PPFIA2: variants seen among roughly 807,000 people sequenced by gnomAD.
The protein encoded by PPFIA2 is liprin-alpha-2.
PPFIA2 carries 46 observed loss-of-function variants against 175.5 expected under a neutral mutation model. The observed-to-expected ratio is 0.26, with a 90% CI of 0.21 to 0.34. PPFIA2 has a LOEUF of 0.34. Among genes scored for constraint, PPFIA2 ranks in the 10% least tolerant of loss-of-function variants. PPFIA2 has a pLI of 1.00. For missense variants in PPFIA2, 1,179 were observed against 1,506.1 expected (o/e 0.78, Z 3.60); for synonymous variants, 568 against 511.4 (o/e 1.11, Z -1.49).
At chr12:81,712,938 CTTTAT>C (rs1380251828) in intron 3 of PPFIA2, among the ~76,000 whole-genome samples, 5 of 150,972 alleles carry the variant, frequency 3.3e-5, no homozygotes, top group African/African-American at 4.8e-5. Context: ...TGAAAGCTTG[CTTTAT>C]TTTATAAGTT....
At chr12:81,571,120 A>G (rs2072462207) in intron 4 of PPFIA2, among the ~76,000 whole-genome samples, 1 of 152,082 alleles carries the variant, frequency 6.6e-6, no homozygotes, top group Non-Finnish European at 1.5e-5. Context: ...TGATACCAGC[A>G]TTTATAGAAT....
At chr12:81,311,574 A>T (rs977859235) in intron 22 of PPFIA2, among the ~76,000 whole-genome samples, 2 of 151,892 alleles carry the variant, frequency 1.3e-5, no homozygotes, top group Non-Finnish European at 2.9e-5. Context: ...TCTACCAAAA[A>T]TACAAAAAAT....
intron 15 of PPFIA2, among the ~76,000 whole-genome samples, chr12:81,360,899 G>A (rs1490116483): frequency 1.3e-5 from 2 of 151,556 alleles, no homozygotes; most frequent in Admixed American, 6.6e-5. Context: ...AACCAAGCCT[G>A]TGATATAATC....
chr12:81,557,205 AC>A (rs2069042366), intron 4 of PPFIA2, among the ~76,000 whole-genome samples: 4 of 151,852 alleles, frequency 2.6e-5, no homozygotes, highest in African/African-American at 9.7e-5. Flanking sequence ...ACACACACAC[AC>A]ACACACACAC....
intron 4 of PPFIA2, among the ~76,000 whole-genome samples, chr12:81,568,720 T>A (rs565694406): frequency 6.6e-6 from 1 of 152,312 alleles, no homozygotes. Context: ...TGCCTTTCTT[T>A]TTATCAAATA....
At chr12:81,758,972 G>A (rs1430549259) in intron 1 of PPFIA2, among the ~76,000 whole-genome samples, 2 of 152,078 alleles carry the variant, frequency 1.3e-5, no homozygotes, top group Admixed American at 6.5e-5. Context: ...CTCCCCTCCT[G>A]GAGCCCCTCT....
chr12:81,650,660 A>C (rs1033315060), intron 4 of PPFIA2, among the ~76,000 whole-genome samples: 1 of 152,192 alleles, frequency 6.6e-6, no homozygotes, highest in African/African-American at 2.4e-5. Context: ...CACGGGTTGA[A>C]GTTTAGAAAC....
chr12:81,755,046 A>G (rs1377633675), intron 2 of PPFIA2, among the ~76,000 whole-genome samples: 1 of 152,194 alleles, frequency 6.6e-6, no homozygotes, highest in Non-Finnish European at 1.5e-5. Flanking sequence ...GTTTTCATCC[A>G]AACAATACAA....
intron 4 of PPFIA2, chr12:81,598,267 A>G (rs1162038428): frequency 5.5e-5 from 70 of 1,265,864 alleles, no homozygotes; most frequent in Non-Finnish European, 3.0e-6. Flanking sequence ...AGAACATACA[A>G]TGTTTTTTAA....
chr12:81,607,622 C>T (rs776318900), intron 4 of PPFIA2, among the ~76,000 whole-genome samples: 2 of 152,008 alleles, frequency 1.3e-5, no homozygotes, highest in African/African-American at 2.4e-5. Flanking sequence ...TATAGAATTG[C>T]TACTGATTTT....
rs374856581 is a variant in PPFIA2 at position 81,379,679 on chromosome 12, C to T, written c.985-3737G>A. ...TTGAGTGCTGTGTCTAGCTTTAATC[C>T]AACTCACGTATTCTTCCTAGATCAA... On this transcript the variant is annotated intron_variant, in intron 9 of 32. Coordinates refer to ENST00000549396, the MANE Select transcript of PPFIA2 (RefSeq NM_003625.5). Among the ~76,000 whole-genome samples the T allele has an allele frequency of 2.2e-4, 33 of 152,112 alleles. No individual in the cohort carries two copies. In the South Asian group the frequency reaches 6.2e-3, roughly 29 times the overall value.
chr12:81,718,500 C>T (rs1428230371), intron 3 of PPFIA2, among the ~76,000 whole-genome samples: 2 of 151,514 alleles, frequency 1.3e-5, no homozygotes, highest in African/African-American at 4.8e-5. Context: ...ATGTGTTCAG[C>T]TTTTACCCTA....
intron 4 of PPFIA2, among the ~76,000 whole-genome samples, chr12:81,480,170 T>C (rs1462029815): frequency 6.6e-6 from 1 of 152,124 alleles, no homozygotes; most frequent in Non-Finnish European, 1.5e-5. Flanking sequence ...ATCTTCAATC[T>C]CTGATGTCCT....
chr12:81,623,478 C>T (rs977894673), intron 4 of PPFIA2, among the ~76,000 whole-genome samples: 1 of 151,966 alleles, frequency 6.6e-6, no homozygotes, highest in African/African-American at 2.4e-5. Context: ...AATTGGGACA[C>T]ATTTGTATAA....
At chr12:81,281,513 A>G (rs1475571455) in intron 26 of PPFIA2, 63 bp from the exon 27 acceptor site, 1 of 1,073,264 alleles carries the variant, frequency 9.3e-7, no homozygotes, top group African/African-American at 1.6e-5. Context: ...ATTGGATAAT[A>G]TTACCTATTA....
At chr12:81,436,330 G>C (rs574104011) in intron 7 of PPFIA2, among the ~76,000 whole-genome samples, 7 of 51,392 alleles carry the variant, frequency 1.4e-4, no homozygotes, top group Non-Finnish European at 2.0e-4. Context: ...AAAAAAAAAA[G>C]TTAAATCTGA....
intron 9 of PPFIA2, 86 bp downstream of exon 9, chr12:81,383,937 G>A (rs1009012201): frequency 1.8e-6 from 2 of 1,095,252 alleles, no homozygotes; most frequent in South Asian, 1.5e-5. Flanking sequence ...AGTAAAAAGT[G>A]TATGGTCATT....
chr12:81,644,695 T>A (rs1390269667), intron 4 of PPFIA2, among the ~76,000 whole-genome samples: 1 of 152,110 alleles, frequency 6.6e-6, no homozygotes, highest in African/African-American at 2.4e-5. Context: ...TGTAACATGG[T>A]TAAGCATGTG....
In PPFIA2 at chr12:81,569,075, T is replaced by C. The variant is rs571169024; in HGVS notation, c.303+107716A>G. Among the ~76,000 whole-genome samples the C allele has an allele frequency of 5.9e-5, 9 of 152,292 alleles. No individual in the cohort carries two copies. The South Asian group carries it at 8.3e-4, about 14-fold the overall frequency. On this transcript the variant is annotated intron_variant, in intron 4 of 32. Coordinates refer to ENST00000549396, the MANE Select transcript of PPFIA2 (RefSeq NM_003625.5). ...TAAAGACAAAACAGTATTTAAACTA[T>C]TTAATTTAGTTATCAACATGCATTC...
Sources: allele counts gnomAD v4.1 joint callset (sites outside exome capture counted in the v4.1 genomes callset), GRCh38; gene constraint gnomAD v4.1.1; transcripts MANE v1.5; gene names NCBI Gene and HGNC (gene_info 2026-07-23, HGNC 2026-07-21).